Variants in IL1RAPL1 observed in about 807,000 individuals in gnomAD.
IL1RAPL1 encodes interleukin-1 receptor accessory protein-like 1.
A neutral mutation model predicts 48.4 loss-of-function variants in IL1RAPL1; 3 were observed. The ratio of observed to expected loss-of-function variants is 0.06; its 90% CI spans 0.03 to 0.16. The LOEUF (loss-of-function observed/expected upper bound fraction) is 0.16. Ranked by LOEUF, IL1RAPL1 falls within the 10% of genes least tolerant of loss-of-function variation. IL1RAPL1 has a pLI of 1.00. For missense variants in IL1RAPL1, 349 were observed against 530.6 expected, an observed-to-expected ratio of 0.66 and a Z score of 3.36; for synonymous variants, 185 against 187.7, an observed-to-expected ratio of 0.99 and a Z score of 0.12.
chrX:29,589,408 A>G (rs1923295671), intron 5 of IL1RAPL1, among the ~76,000 whole-genome samples: 1 of 111,750 alleles, frequency 8.9e-6, no homozygotes, highest in African/African-American at 3.3e-5. Context: ...CCCTGACTTT[A>G]TGAAGATTTT....
chrX:29,545,003 T>C lies in IL1RAPL1; in HGVS notation c.704-123427T>C, dbSNP rs140596874. 1.5e-3 allele frequency among the ~76,000 whole-genome samples: 167 copies of C among 110,151 alleles called. 1 individual carries two copies. The highest frequency in any genetic ancestry group is 5.2e-3 in the African/African-American group (157 of 30,282). On this transcript the variant is annotated intron_variant, in intron 5 of 10. Transcript: ENST00000378993. ...GGAGGCATGCACCCAGGAGAGACCA[T>C]ATAAAGACACAACAGAAAGGGGACC...
intron 6 of IL1RAPL1, among the ~76,000 whole-genome samples, chrX:29,820,306 A>T (rs1261504222): frequency 4.5e-5 from 5 of 111,038 alleles, no homozygotes; most frequent in Admixed American, 3.9e-4. Context: ...TCACTAATAG[A>T]TGTAGTCAAA....
chrX:29,650,634 A>T (rs1925488023), intron 5 of IL1RAPL1, among the ~76,000 whole-genome samples: 1 of 111,271 alleles, frequency 9.0e-6, no homozygotes, highest in Admixed American at 9.6e-5. Flanking sequence ...TTCAAAATGG[A>T]TTAAAGACAA....
intron 2 of IL1RAPL1, among the ~76,000 whole-genome samples, chrX:28,910,582 T>TA (rs748074029): frequency 0.032 from 3,139 of 98,717 alleles, 54 homozygotes; most frequent in Non-Finnish European, 0.05. Flanking sequence ...TTTGAAAAGT[T>TA]AAAAAAAAAA....
chrX:29,545,282 T>G (rs539310879), intron 5 of IL1RAPL1, among the ~76,000 whole-genome samples: 1 of 111,125 alleles, frequency 9.0e-6, no homozygotes, highest in African/African-American at 3.3e-5. Flanking sequence ...GAAAATAACA[T>G]GCTAGTTTTC....
intron 5 of IL1RAPL1, among the ~76,000 whole-genome samples, chrX:29,533,836 A>G (rs1224261331): frequency 1.8e-5 from 2 of 111,892 alleles, no homozygotes; most frequent in African/African-American, 6.5e-5. Context: ...ATTTTCATAG[A>G]TAATCCATTT....
chrX:29,935,944 A>G (rs941481737), intron 8 of IL1RAPL1, among the ~76,000 whole-genome samples: 1 of 111,377 alleles, frequency 9.0e-6, no homozygotes, highest in Non-Finnish European at 1.9e-5. Flanking sequence ...GATCATTTTT[A>G]TTTTTATTAT....
intron 2 of IL1RAPL1, among the ~76,000 whole-genome samples, chrX:28,953,298 T>C (rs376016845): frequency 5.4e-5 from 6 of 111,659 alleles, no homozygotes; most frequent in African/African-American, 1.9e-4. Flanking sequence ...AATCATATTT[T>C]AATAGATTTC....
chrX:29,697,489 A>G (rs1569148548), intron 6 of IL1RAPL1, among the ~76,000 whole-genome samples: 1 of 111,816 alleles, frequency 8.9e-6, no homozygotes, highest in East Asian at 2.8e-4. Flanking sequence ...GGCAAAATGT[A>G]TGTGTGTGTC....
At chrX:29,370,180 A>G (rs1444828321) in intron 3 of IL1RAPL1, among the ~76,000 whole-genome samples, 1 of 111,075 alleles carries the variant, frequency 9.0e-6, no homozygotes, top group East Asian at 2.8e-4. Context: ...TGTTTTTGCA[A>G]TGTTTTTATC....
intron 1 of IL1RAPL1, among the ~76,000 whole-genome samples, chrX:28,674,703 T>G (rs1934980666): frequency 1.8e-5 from 2 of 111,836 alleles, no homozygotes; most frequent in South Asian, 7.4e-4. Context: ...TTTACGTTTT[T>G]TCTTGAGTCA....
rs900307823 is a variant in IL1RAPL1 at position 29,065,596 on chromosome X, G to A, written c.83-217342G>A. Among the ~76,000 whole-genome samples, 7 of 111,672 alleles carry A rather than the reference G, an allele frequency of 6.3e-5. No homozygotes were observed. The South Asian group carries it at 1.1e-3, about 18-fold the overall frequency. ...CATCAAATTTGAAAAGCTTTCAGCC[G>A]TATTTTTATGTTTCTCTTCACTTTC... On this transcript the variant is annotated intron_variant, in intron 2 of 10. Transcript: ENST00000378993.
chrX:29,907,714 T>G (rs755615370), intron 6 of IL1RAPL1, among the ~76,000 whole-genome samples: 142 of 112,194 alleles, frequency 1.3e-3, no homozygotes, highest in Non-Finnish European at 1.5e-3. Flanking sequence ...ATTACACTTC[T>G]TTAGGATAGT....
At chrX:29,730,390 A>G (rs1263239860) in intron 6 of IL1RAPL1, among the ~76,000 whole-genome samples, 2 of 112,192 alleles carry the variant, frequency 1.8e-5, no homozygotes, top group African/African-American at 6.5e-5. Flanking sequence ...TCTCCCAATA[A>G]CTAAGCAACT....
rs758487838 is a variant in IL1RAPL1, at chrX:29,339,075, TACACACACACACAC to T, written c.362+55883_362+55896del. Among the ~76,000 whole-genome samples the T allele has an allele frequency of 9.3e-3, 856 of 92,305 alleles. 11 individuals are homozygous for T. Among genetic ancestry groups the T allele is most frequent in the African/African-American group, 0.033 (818 of 24,708 alleles). The allele number at this position is 92,305 out of a possible 115,157, so 80.2% of individuals were successfully genotyped here. A position where few individuals can be genotyped will look rare whatever the true frequency, so the allele number is the denominator to read the frequency against. On this transcript the variant is annotated intron_variant, in intron 3 of 10. Coordinates refer to ENST00000378993, the MANE Select transcript of IL1RAPL1 (RefSeq NM_014271.4). ...GTTCTCCAAGCTTATGCTGGGTAAA[TACACACACACACAC>T]ACACACACACACACACACACACACG...
At chrX:29,802,969 A>G (rs1296481708) in intron 6 of IL1RAPL1, among the ~76,000 whole-genome samples, 1 of 89,662 alleles carries the variant, frequency 1.1e-5, no homozygotes, top group Non-Finnish European at 2.1e-5. Context: ...ACATGTGTAC[A>G]TATATACATA....
chrX:29,196,856 A>G (rs747234449), intron 2 of IL1RAPL1, among the ~76,000 whole-genome samples: 1 of 110,145 alleles, frequency 9.1e-6, no homozygotes, highest in Non-Finnish European at 1.9e-5. Context: ...ATACTATATA[A>G]TATAATACTA....
At chrX:29,129,596 T>TG (rs1280902565) in intron 2 of IL1RAPL1, among the ~76,000 whole-genome samples, 2 of 80,107 alleles carry the variant, frequency 2.5e-5, no homozygotes, top group Non-Finnish European at 4.9e-5. Context: ...AAATTTTTTT[T>TG]TTTTTTTTTT....
chrX:28,744,209 T>C (rs1050927100), intron 1 of IL1RAPL1, among the ~76,000 whole-genome samples: 1 of 111,479 alleles, frequency 9.0e-6, no homozygotes, highest in Non-Finnish European at 1.9e-5. Context: ...TTTACATCTT[T>C]CCATGCACCT....
Sources: allele counts gnomAD v4.1 joint callset (sites outside exome capture counted in the v4.1 genomes callset), GRCh38; gene constraint gnomAD v4.1.1; transcripts MANE v1.5; gene names NCBI Gene and HGNC (gene_info 2026-07-23, HGNC 2026-07-21).